Variants in RPSA2 observed in about 807,000 individuals in gnomAD.
RPSA2 encodes the protein small ribosomal subunit protein uS2B.
chr19:23,821,121 A>G, the RPSA2 span, among the ~76,000 whole-genome samples: 1 of 152,220 alleles, frequency 6.6e-6, no homozygotes, highest in Non-Finnish European at 1.5e-5. Flanking sequence ...CCAACTCATT[A>G]TTGGATTTGA....
chr19:23,760,670 T>TA, the RPSA2 span, among the ~76,000 whole-genome samples: 404 of 73,278 alleles, frequency 5.5e-3, 2 homozygotes, highest in African/African-American at 0.015. Flanking sequence ...TATATATATA[T>TA]TTTTTTTTTT....
chr19:23,793,913 T>C, the RPSA2 span, among the ~76,000 whole-genome samples: 3 of 152,106 alleles, frequency 2.0e-5, no homozygotes, highest in Non-Finnish European at 4.4e-5. Flanking sequence ...ACTACAGGCA[T>C]GCACCACTAA....
chr19:23,761,897 CGTA>C, the RPSA2 span, among the ~76,000 whole-genome samples: 1 of 51,742 alleles, frequency 1.9e-5, no homozygotes, highest in Non-Finnish European at 3.7e-5. Context: ...ATTTGGGTAA[CGTA>C]ATTCTTTCTT....
chr19:23,786,444 T>C, the RPSA2 span, among the ~76,000 whole-genome samples: 1 of 152,278 alleles, frequency 6.6e-6, no homozygotes, highest in South Asian at 2.1e-4. Flanking sequence ...TGACTCTTCT[T>C]TTTTTGGGGA....
the RPSA2 span, chr19:23,832,315 G>A: frequency 2.1e-6 from 1 of 471,254 alleles, no homozygotes; most frequent in Non-Finnish European, 4.3e-6. Context: ...CAAGTGTGAA[G>A]AAAGTGGCAA....
the RPSA2 span, among the ~76,000 whole-genome samples, chr19:23,812,585 G>A: frequency 6.6e-6 from 1 of 151,964 alleles, no homozygotes; most frequent in South Asian, 2.1e-4. Flanking sequence ...CTTTATTAGA[G>A]ACGGGGTTTC....
the RPSA2 span, among the ~76,000 whole-genome samples, chr19:23,855,748 G>A: frequency 6.6e-6 from 1 of 152,160 alleles, no homozygotes; most frequent in East Asian, 1.9e-4. Context: ...GTACAGAGAA[G>A]CAGGTTGAAT....
chr19:23,826,312 C>T, the RPSA2 span, among the ~76,000 whole-genome samples: 1 of 152,064 alleles, frequency 6.6e-6, no homozygotes, highest in South Asian at 2.1e-4. Context: ...CACGCCTCAG[C>T]CTCCTGAATA....
At chr19:23,805,895 TTC>T in the RPSA2 span, among the ~76,000 whole-genome samples, 3 of 152,154 alleles carry the variant, frequency 2.0e-5, no homozygotes, top group African/African-American at 7.2e-5. Flanking sequence ...ACATCACGAC[TTC>T]TTATATGCCG....
At chr19:23,832,249 AC>A in the RPSA2 span, 1 of 449,604 alleles carries the variant, frequency 2.2e-6, no homozygotes, top group Non-Finnish European at 4.5e-6. Context: ...CAAAGCGTTT[AC>A]CCAGTTCTCA....
chr19:23,770,587 G>A, the RPSA2 span, among the ~76,000 whole-genome samples: 3 of 152,268 alleles, frequency 2.0e-5, no homozygotes, highest in East Asian at 5.8e-4. Flanking sequence ...TCATTATCTA[G>A]GAGATTTAAC....
chr19:23,864,964 G>T, the RPSA2 span, among the ~76,000 whole-genome samples: 1 of 152,152 alleles, frequency 6.6e-6, no homozygotes, highest in Admixed American at 6.5e-5. Context: ...GAAGCAAGGA[G>T]CCCTCTGACC....
the RPSA2 span, among the ~76,000 whole-genome samples, chr19:23,868,781 T>C: frequency 1.6e-4 from 25 of 152,106 alleles, no homozygotes; most frequent in Admixed American, 1.6e-3. Context: ...GTGGGTGCCC[T>C]CAAGGTGCGT....
At chr19:23,869,875 C>T in the RPSA2 span, among the ~76,000 whole-genome samples, 149,023 of 152,358 alleles carry the variant, frequency 0.98, 72,975 homozygotes, top group Middle Eastern at 1. Flanking sequence ...CACCACTCAA[C>T]TTATGGTTTG....
At chr19:23,772,032 CTGTAAAATATTACTAGACCTACCACCTA>C in the RPSA2 span, among the ~76,000 whole-genome samples, 1 of 151,946 alleles carries the variant, frequency 6.6e-6, no homozygotes, top group Admixed American at 6.6e-5. Flanking sequence ...ATTTTGAGTA[CTGTAAAATATTACTAGACCTACCACCTA>C]TGGGATTGCG....
the RPSA2 span, among the ~76,000 whole-genome samples, chr19:23,846,698 G>C: frequency 6.6e-6 from 1 of 152,078 alleles, no homozygotes; most frequent in Non-Finnish European, 1.5e-5. Context: ...GTTCTCTTCT[G>C]GCCAGTAAAG....
the RPSA2 span, among the ~76,000 whole-genome samples, chr19:23,803,562 CTGTCTA>C: frequency 1.3e-5 from 2 of 152,026 alleles, no homozygotes; most frequent in Non-Finnish European, 2.9e-5. Flanking sequence ...TCCCTCTCAT[CTGTCTA>C]TATTTATATT....
the RPSA2 span, among the ~76,000 whole-genome samples, chr19:23,775,067 CT>C: frequency 6.6e-6 from 1 of 152,188 alleles, no homozygotes; most frequent in Non-Finnish European, 1.5e-5. Context: ...AAGATTCTGG[CT>C]CTCCCCTTTG....
At chr19:23,793,220 T>C in the RPSA2 span, among the ~76,000 whole-genome samples, 1 of 151,600 alleles carries the variant, frequency 6.6e-6, no homozygotes, top group Non-Finnish European at 1.5e-5. Flanking sequence ...CTTTTTTTTT[T>C]TTTTTTTTTT....
Sources: allele counts gnomAD v4.1 joint callset (sites outside exome capture counted in the v4.1 genomes callset), GRCh38; gene constraint gnomAD v4.1.1; transcripts MANE v1.5; gene names NCBI Gene and HGNC (gene_info 2026-07-23, HGNC 2026-07-21).